The following SMARCA2 variants were observed in gnomAD, a reference collection of about 807,000 sequenced individuals.
SMARCA2 encodes the protein SWI/SNF-related matrix-associated actin-dependent regulator of chromatin subfamily A member 2.
Under a neutral mutation model 199.8 loss-of-function variants are expected in SMARCA2, and 61 were observed. The observed-to-expected ratio is 0.31, with a 90% confidence interval of 0.25 to 0.38. SMARCA2 has a LOEUF of 0.38. SMARCA2 is among the 10% of genes least tolerant of loss of function. The pLI, the probability that SMARCA2 is intolerant of heterozygous loss-of-function variation, is 1.00. For missense variants in SMARCA2, 1,344 were observed against 2,012.2 expected, an observed-to-expected ratio of 0.67 and a Z score of 6.35; for synonymous variants, 935 against 732.0, an observed-to-expected ratio of 1.28 and a Z score of -4.48.
chr9:2,172,906 C>G (rs1586789519), intron 29 of SMARCA2, among the ~76,000 whole-genome samples: 2 of 152,210 alleles, frequency 1.3e-5, no homozygotes, highest in African/African-American at 4.8e-5. Flanking sequence ...CACTGATAGT[C>G]TGTGAAGGAT....
intron 4 of SMARCA2, chr9:2,045,127 C>T (rs778230933): frequency 2.0e-4 from 30 of 152,160 alleles, no homozygotes; most frequent in African/African-American, 6.3e-4. Flanking sequence ...TGCAGTGTTA[C>T]GGCTTTTGTT....
Position 2,060,976 on chromosome 9 carries a change from G to A in SMARCA2, c.1682G>A (p.Arg561Lys), listed in dbSNP as rs1234913321. Residue 561 changes from arginine to lysine, a missense_variant, in exon 9 of 34, where the codon AGG (arginine) becomes AAG (lysine). Arg to Lys is a conservative substitution (Grantham distance 26, BLOSUM62 2). Around this residue, in one of 18 missense-constraint regions of SMARCA2, gnomAD observed 68 missense variants for 70.4 expected, o/e 0.97. Coordinates refer to ENST00000349721, the MANE Select transcript of SMARCA2 (RefSeq NM_003070.5). ...GCCAAAGAGAAGAAGAAGAGGAGGA[G>A]GAGGAAGAAGGTGCGTATCCTAGTG... is the stretch of plus-strand genomic sequence containing the variant. ...QAAKEKKKRRRRKKKAEENAE... is the reference protein window; with the variant it reads ...QAAKEKKKRRKRKKKAEENAE... 3.1e-6 allele frequency: 5 copies of A among 1,613,520 alleles called. No individual in the cohort carries two copies. In the South Asian group the frequency reaches 4.4e-5, roughly 14 times the overall value.
intron 25 of SMARCA2, among the ~76,000 whole-genome samples, chr9:2,116,911 A>G (rs1426002419): frequency 1.3e-5 from 2 of 152,228 alleles, no homozygotes; most frequent in African/African-American, 4.8e-5. Flanking sequence ...TACTGTTTTC[A>G]TTGCATATAT....
At chr9:2,184,193 A>C (rs1827260421) in intron 31 of SMARCA2, among the ~76,000 whole-genome samples, 1 of 152,250 alleles carries the variant, frequency 6.6e-6, no homozygotes, top group African/African-American at 2.4e-5. Flanking sequence ...CCCATAGTCC[A>C]TTCGGACTGA....
chr9:2,053,392 G>C (rs1820212468), intron 5 of SMARCA2, among the ~76,000 whole-genome samples: 1 of 152,192 alleles, frequency 6.6e-6, no homozygotes, highest in Non-Finnish European at 1.5e-5. Flanking sequence ...TTCTCGGAAA[G>C]TGTATCTTAA....
chr9:2,047,600 G>A (rs775657076), intron 5 of SMARCA2, 116 bp downstream of exon 5: 178 of 1,167,526 alleles, frequency 1.5e-4, no homozygotes, highest in Admixed American at 2.3e-4. Flanking sequence ...TCACCCGTGC[G>A]GTCGGAAAAC....
chr9:2,066,589 A>C (rs1198338661), intron 9 of SMARCA2, among the ~76,000 whole-genome samples: 1 of 152,230 alleles, frequency 6.6e-6, no homozygotes, highest in East Asian at 1.9e-4. Context: ...TGATTAGGTT[A>C]ATTATACTCC....
intron 27 of SMARCA2, among the ~76,000 whole-genome samples, chr9:2,136,456 G>T (rs1319767601): frequency 6.6e-6 from 1 of 152,096 alleles, no homozygotes; most frequent in Non-Finnish European, 1.5e-5. Context: ...CCAAAATGCT[G>T]GGATTACAGG....
chr9:2,156,484 C>A (rs1187940518), intron 27 of SMARCA2, among the ~76,000 whole-genome samples: 1 of 122,278 alleles, frequency 8.2e-6, no homozygotes, highest in Non-Finnish European at 1.6e-5. Context: ...GGCTGGAGTG[C>A]AATGGCACAA....
Position 2,029,082 on chromosome 9 carries a change from G to T in SMARCA2, c.60G>T (p.Gly20=), listed in dbSNP as rs1052098467. 1 of 1,576,730 alleles carries T rather than the reference G, an allele frequency of 6.3e-7. No homozygotes were observed. Among genetic ancestry groups the T allele is most frequent in the East Asian group, 2.3e-5 (1 of 42,748 alleles). ...MPHPGPSPGP[G]PSPGPILGPS... ...ACCCAGGGCCTTCGCCGGGGCCTGG[G>T]CCTTCCCCTGGGCCAATTCTTGGGC... Residue 20 remains glycine, a synonymous_variant, in exon 2 of 34, where the codon GGG becomes GGT. Coordinates refer to ENST00000349721, the MANE Select transcript of SMARCA2 (RefSeq NM_003070.5).
chr9:2,124,272 CT>C (rs1298494992), intron 27 of SMARCA2, among the ~76,000 whole-genome samples: 4 of 152,212 alleles, frequency 2.6e-5, no homozygotes, highest in African/African-American at 9.7e-5. Context: ...ATGCCTCACT[CT>C]CTCCAACTGA....
chr9:2,131,719 G>T (rs945709848), intron 27 of SMARCA2, among the ~76,000 whole-genome samples: 1 of 152,104 alleles, frequency 6.6e-6, no homozygotes, highest in Admixed American at 6.6e-5. Context: ...GGTGGCTCAC[G>T]CCTGTAATCC....
Position 2,086,657 on chromosome 9 carries a change from A to T in SMARCA2, c.2527-172A>T, listed in dbSNP as rs1821815643. On this transcript the variant is annotated intron_variant, in intron 17 of 33. Coordinates refer to ENST00000349721, the MANE Select transcript of SMARCA2 (RefSeq NM_003070.5). The surrounding 1 kb of genome is among the most constrained non-coding windows in gnomAD (Gnocchi z 4.3). ...ACATTCTATTATTATAGGATGTCTTATGCGGCCTATCAGGCATGAGACATT... is the reference window on the plus strand; with the variant it reads ...ACATTCTATTATTATAGGATGTCTTTTGCGGCCTATCAGGCATGAGACATT... Among the ~76,000 whole-genome samples the T allele has an allele frequency of 6.6e-6, 1 of 152,214 alleles. No individual in the cohort carries two copies. Among genetic ancestry groups the T allele is most frequent in the Non-Finnish European group, 1.5e-5 (1 of 68,038 alleles).
intron 33 of SMARCA2, chr9:2,192,397 A>G: frequency 3.0e-6 from 1 of 337,134 alleles, no homozygotes. Context: ...TTCTCCCATG[A>G]ATTTTCTAAA....
chr9:2,063,042 G>T (rs914811401), intron 9 of SMARCA2, among the ~76,000 whole-genome samples: 2 of 152,154 alleles, frequency 1.3e-5, no homozygotes, highest in African/African-American at 4.8e-5. Context: ...CATGATCAAT[G>T]TGCAGAATTT....
At chr9:2,065,179 T>C (rs1447090452) in intron 9 of SMARCA2, among the ~76,000 whole-genome samples, 2 of 151,900 alleles carry the variant, frequency 1.3e-5, no homozygotes, top group African/African-American at 4.8e-5. Context: ...AGCGAGACTC[T>C]GTCTCAAAAA....
intron 22 of SMARCA2, among the ~76,000 whole-genome samples, chr9:2,102,663 C>T (rs571149152): frequency 9.9e-5 from 15 of 152,092 alleles, no homozygotes; most frequent in East Asian, 1.9e-4. Context: ...CATATCACAG[C>T]GTCTTCTGCA....
chr9:2,101,628 A>ATT lies in SMARCA2; in HGVS notation c.3125+20_3125+21dup. On this transcript the variant is annotated intron_variant, in intron 22 of 33. Transcript: ENST00000349721. ...GGGGTCATCAATGGGTAAATCTCAA[A>ATT]TTTTTTTTTCTTTTAAAAAAAAATG... 4.1e-6 allele frequency: 6 copies of ATT among 1,452,502 alleles called. No homozygotes were observed. The highest frequency in any genetic ancestry group is 1.4e-5 in the African/African-American group (1 of 70,498). 90.0% of individuals were successfully genotyped at this position (1,452,502 alleles called of 1,614,324 possible).
chr9:2,115,749 C>A lies in SMARCA2; in HGVS notation c.3457-73C>A. 8.3e-7 allele frequency: 1 copy of A among 1,198,682 alleles called. No individual in the cohort carries two copies. The highest frequency in any genetic ancestry group is 1.2e-6 in the Non-Finnish European group (1 of 824,250). The allele number at this position is 1,198,682 out of a possible 1,614,324, so 74.3% of individuals were successfully genotyped here. On this transcript the variant is annotated intron_variant, in intron 24 of 33. Coordinates refer to ENST00000349721, the MANE Select transcript of SMARCA2 (RefSeq NM_003070.5). This position sits in a 1 kb window ranked among gnomAD's most constrained non-coding sequence, Gnocchi z 6.0. ...ATACAGAACCCTTCCATATTTCCCT[C>A]TGGGGTGGGGTCCGGTTTTGGATGC...
Sources: gnomAD v4.1 joint callset for allele counts (sites outside exome capture counted in the v4.1 genomes callset) on GRCh38, gnomAD v4.1.1 for gene constraint, gnomAD v4.1.1 regional missense constraint, Gnocchi (gnomAD v3.1) non-coding constraint, MANE v1.5 for transcripts, NCBI Gene and HGNC (gene_info 2026-07-23, HGNC 2026-07-21) for gene names.